The following ABCA13 variants were observed in gnomAD, a reference collection of about 807,000 sequenced individuals.
ABCA13 encodes ATP binding cassette subfamily A member 13.
Under a neutral mutation model 478.7 loss-of-function variants are expected in ABCA13, and 476 were observed. That is an observed-to-expected ratio of 0.99 (90% confidence interval 0.92 to 1.07). The LOEUF is 1.07. Among genes scored for constraint, ABCA13 ranks in the 50% least tolerant of loss-of-function variants. The pLI, the probability that ABCA13 is intolerant of heterozygous loss-of-function variation, is 0.00. For missense variants in ABCA13, 6,060 were observed against 5,910.6 expected (o/e 1.03, Z -0.83); for synonymous variants, 2,252 against 2,158.9 (o/e 1.04, Z -1.20).
chr7:48,537,832 A>T (rs1833686298), intron 55 of ABCA13, among the ~76,000 whole-genome samples: 1 of 152,066 alleles, frequency 6.6e-6, no homozygotes. Context: ...TGAGCAGATG[A>T]CCAGGGAAAC....
chr7:48,404,851 C>T (rs1563197493), intron 39 of ABCA13, among the ~76,000 whole-genome samples: 1 of 152,146 alleles, frequency 6.6e-6, no homozygotes, highest in Admixed American at 6.5e-5. Context: ...CAATCTGTTT[C>T]TTTCTGTCCC....
chr7:48,289,359 A>ATTT (rs767935565), intron 20 of ABCA13, among the ~76,000 whole-genome samples: 1 of 139,666 alleles, frequency 7.2e-6, no homozygotes, highest in Non-Finnish European at 1.6e-5. Context: ...CCCACAGACA[A>ATTT]TTTTTTTTTT....
At chr7:48,330,267 A>G (rs1259544694) in intron 27 of ABCA13, among the ~76,000 whole-genome samples, 1 of 151,706 alleles carries the variant, frequency 6.6e-6, no homozygotes, top group Non-Finnish European at 1.5e-5. Flanking sequence ...TCATTCATCC[A>G]TCCATCCACA....
intron 47 of ABCA13, among the ~76,000 whole-genome samples, chr7:48,487,540 CA>C (rs1829448997): frequency 6.6e-6 from 1 of 151,852 alleles, no homozygotes. Context: ...TAAAACAAAT[CA>C]AAACAAAATT....
At chr7:48,429,420 C>G (rs972395451) in intron 42 of ABCA13, among the ~76,000 whole-genome samples, 2 of 152,222 alleles carry the variant, frequency 1.3e-5, no homozygotes, top group South Asian at 4.1e-4. Flanking sequence ...TCCACATTCT[C>G]CCAACCCTTG....
In ABCA13 at chr7:48,410,531, A is replaced by G. The variant is rs1053858325; in HGVS notation, c.12082A>G (p.Ile4028Val). 6.2e-6 allele frequency: 10 copies of G among 1,614,054 alleles called. No individual in the cohort carries two copies. Among genetic ancestry groups the G allele is most frequent in the Non-Finnish European group, 8.5e-6 (10 of 1,179,894 alleles). The change falls in exon 40 of 62, where the codon ATC becomes GTC. Residue 4028 changes from isoleucine (I) to valine (V), a missense_variant. Physicochemically the swap from Ile to Val is conservative, Grantham distance 29 (BLOSUM62 3). This residue lies in a region of ABCA13 where 1,627 missense variants were observed against 1,571.0 expected (regional missense o/e 1.04). Transcript: ENST00000435803. ...LLKYREGRTIIFTTHHLDEAE... is the reference protein window; with the variant it reads ...LLKYREGRTIVFTTHHLDEAE... ...GTGCTTGGACCCAGGTCGTACGATC[A>G]TCTTCACAACCCACCACCTGGATGA... is the stretch of plus-strand genomic sequence containing the variant.
chr7:48,372,079 C>G, intron 32 of ABCA13, 89 bp from the exon 33 acceptor site: 1 of 1,306,044 alleles, frequency 7.7e-7, no homozygotes, highest in Middle Eastern at 1.9e-4. Flanking sequence ...TACCTTTCCA[C>G]TGGTCCACCT....
chr7:48,343,389 T>A (rs1244573284), intron 29 of ABCA13, among the ~76,000 whole-genome samples: 2 of 151,984 alleles, frequency 1.3e-5, no homozygotes, highest in Non-Finnish European at 2.9e-5. Flanking sequence ...TTGGGTGGGG[T>A]GGGGATCTCA....
chr7:48,210,042 A>C (rs1055580246), intron 3 of ABCA13, among the ~76,000 whole-genome samples: 1 of 152,176 alleles, frequency 6.6e-6, no homozygotes, highest in African/African-American at 2.4e-5. Context: ...TTTAAGATGC[A>C]TACTGTATTA....
chr7:48,336,698 G>T (rs748683011), intron 28 of ABCA13, among the ~76,000 whole-genome samples: 3 of 152,216 alleles, frequency 2.0e-5, no homozygotes, highest in Non-Finnish European at 4.4e-5. Flanking sequence ...GCAGCAGTGG[G>T]CCCTGCCATT....
At chr7:48,206,515 A>G (rs1784943468) in intron 3 of ABCA13, among the ~76,000 whole-genome samples, 1 of 152,158 alleles carries the variant, frequency 6.6e-6, no homozygotes, top group South Asian at 2.1e-4. Context: ...TCTCTTCTTT[A>G]AGTGACAGAT....
chr7:48,300,246 T>A (rs1376561756), intron 23 of ABCA13, among the ~76,000 whole-genome samples: 2 of 152,248 alleles, frequency 1.3e-5, no homozygotes, highest in Non-Finnish European at 2.9e-5. Flanking sequence ...GTTGGTGGCA[T>A]GCAGGGAATA....
At position 48,328,624 on chromosome 7, in the gene ABCA13, C is replaced by T. The variant is rs1240089372; in HGVS notation, c.10000-6798C>T. Among the ~76,000 whole-genome samples the T allele has an allele frequency of 4.6e-5, 7 of 152,080 alleles. No homozygotes were observed. The East Asian group carries it at 1.4e-3, about 30-fold the overall frequency. On this transcript the variant is annotated intron_variant, in intron 27 of 61. Transcript: ENST00000435803. ...ACCTTGGATACCTGCAATTTTCCAT[C>T]ATTCGTTTTCCTGTCTGCTTGGAAA...
In ABCA13 at chr7:48,274,352, C is replaced by T. The variant is rs6583483; in HGVS notation, c.4686C>T (p.Tyr1562=). 178,351 of 1,612,580 alleles carry T rather than the reference C, an allele frequency of 0.11. 10,496 individuals carry two copies. Among genetic ancestry groups the T allele is most frequent in the South Asian group, 0.17 (15,003 of 90,850 alleles). Reference sequence around the variant, plus strand: ...TTCAGAAGCTTGTAAAAGGTATTTACTTTAACATCCTGGAAAATAATTCCT... The same window carrying T: ...TTCAGAAGCTTGTAAAAGGTATTTATTTTAACATCCTGGAAAATAATTCCT... ...KEFQKLVKGI[Y]FNILENNSSS... is the part of the protein sequence containing the mutation. The change falls in exon 17 of 62, where the codon TAC becomes TAT. Residue 1562 remains tyrosine (Y), a synonymous_variant. Transcript: ENST00000435803.
intron 42 of ABCA13, among the ~76,000 whole-genome samples, chr7:48,437,932 T>C (rs956642148): frequency 2.0e-5 from 3 of 152,088 alleles, no homozygotes; most frequent in Non-Finnish European, 2.9e-5. Flanking sequence ...GTCTCACCTT[T>C]TTATCCCAGT....
At chr7:48,337,586 T>C (rs1395821284) in intron 28 of ABCA13, among the ~76,000 whole-genome samples, 1 of 152,216 alleles carries the variant, frequency 6.6e-6, no homozygotes. Context: ...TGGACCAAAA[T>C]CTGGATAGTG....
intron 1 of ABCA13, among the ~76,000 whole-genome samples, chr7:48,187,237 G>A (rs1796482602): frequency 6.8e-6 from 1 of 147,862 alleles, no homozygotes; most frequent in African/African-American, 2.5e-5. Context: ...TTTAAGGCCA[G>A]ACTGATTTTC....
At chr7:48,383,855 T>C (rs1458976353) in intron 35 of ABCA13, among the ~76,000 whole-genome samples, 2 of 152,210 alleles carry the variant, frequency 1.3e-5, no homozygotes, top group East Asian at 3.9e-4. Context: ...AAAATATTTT[T>C]ATCATAAGCA....
At chr7:48,432,924 C>T (rs1178760497) in intron 42 of ABCA13, among the ~76,000 whole-genome samples, 3 of 151,922 alleles carry the variant, frequency 2.0e-5, no homozygotes, top group Non-Finnish European at 4.4e-5. Context: ...TAGTTAATAA[C>T]GTTTTGTATT....
Sources: allele counts gnomAD v4.1 joint callset (sites outside exome capture counted in the v4.1 genomes callset), GRCh38; gene constraint gnomAD v4.1.1; regional missense constraint gnomAD v4.1.1; transcripts MANE v1.5; gene names NCBI Gene and HGNC (gene_info 2026-07-23, HGNC 2026-07-21).